Variants in GNB4 observed in about 807,000 individuals in gnomAD.
GNB4 encodes guanine nucleotide-binding protein subunit beta-4.
GNB4 carries 28 observed loss-of-function variants against 45.2 expected under a neutral mutation model. The ratio of observed to expected loss-of-function variants is 0.62; its 90% CI spans 0.46 to 0.85. The LOEUF (loss-of-function observed/expected upper bound fraction) is 0.85, where lower values mean the gene tolerates loss of function less well. GNB4 is among the 40% of genes least tolerant of loss of function. The probability of loss-of-function intolerance (pLI) is 0.00; values close to 1 mark genes in which losing one functional copy is unlikely to be tolerated. For missense variants in GNB4, 321 were observed against 425.4 expected (o/e 0.75, Z 2.16); for synonymous variants, 132 against 143.7 (o/e 0.92, Z 0.58).
the GNB4 span, among the ~76,000 whole-genome samples, chr3:179,494,475 C>T: frequency 2.1e-4 from 32 of 149,322 alleles, no homozygotes; most frequent in African/African-American, 7.4e-4. Flanking sequence ...GAGGCTGAGA[C>T]CACCCTGGGC....
intron 9 of GNB4, among the ~76,000 whole-genome samples, chr3:179,404,904 T>C (rs1254834178): frequency 6.6e-6 from 1 of 152,180 alleles, no homozygotes; most frequent in Non-Finnish European, 1.5e-5. Context: ...AAAGTGTGAT[T>C]TCTAAAAGAC....
intron 1 of GNB4, among the ~76,000 whole-genome samples, chr3:179,434,269 G>A (rs1048025983): frequency 1.3e-5 from 2 of 152,080 alleles, no homozygotes; most frequent in African/African-American, 4.8e-5. Flanking sequence ...TTATCATACA[G>A]CAGTGAAAAC....
the GNB4 span, among the ~76,000 whole-genome samples, chr3:179,508,552 C>T: frequency 7.9e-5 from 12 of 152,202 alleles, no homozygotes; most frequent in East Asian, 1.4e-3. Context: ...TATTCTTCTG[C>T]GAGTATACTT....
chr3:179,489,007 A>ATATATATAT, the GNB4 span, among the ~76,000 whole-genome samples: 6 of 37,250 alleles, frequency 1.6e-4, no homozygotes, highest in African/African-American at 7.2e-4. Flanking sequence ...AAAAAAAAAA[A>ATATATATAT]AAAAAAAAAA....
the GNB4 span, among the ~76,000 whole-genome samples, chr3:179,513,805 C>T: frequency 6.6e-6 from 1 of 151,998 alleles, no homozygotes; most frequent in Non-Finnish European, 1.5e-5. Flanking sequence ...AAATTTTAAA[C>T]TTATGGATAC....
intron 8 of GNB4, among the ~76,000 whole-genome samples, 156 bp downstream of exon 8, chr3:179,413,256 T>C (rs1344856394): frequency 6.6e-6 from 1 of 152,176 alleles, no homozygotes; most frequent in African/African-American, 2.4e-5. Context: ...GCTTTCTTTT[T>C]TAAAAAATCA....
At chr3:179,517,008 C>T in the GNB4 span, among the ~76,000 whole-genome samples, 2 of 152,068 alleles carry the variant, frequency 1.3e-5, no homozygotes, top group Non-Finnish European at 2.9e-5. Flanking sequence ...GGAGGATCCT[C>T]GCATAGTGAG....
chr3:179,502,259 A>C, the GNB4 span, among the ~76,000 whole-genome samples: 2 of 54,512 alleles, frequency 3.7e-5, no homozygotes, highest in Admixed American at 2.6e-4. Context: ...TTTGAGAGGG[A>C]GTTTTGCTCT....
At chr3:179,508,076 T>C in the GNB4 span, among the ~76,000 whole-genome samples, 2 of 152,220 alleles carry the variant, frequency 1.3e-5, no homozygotes, top group South Asian at 4.1e-4. Context: ...AGAAGACTGA[T>C]GCTTTGTCTT....
Position 179,400,125 on chromosome 3 carries a change from G to C in GNB4, c.*1088C>G, listed in dbSNP as rs538409194. 3.3e-5 allele frequency: 5 copies of C among 152,282 alleles called. No individual in the cohort carries two copies. The highest frequency in any genetic ancestry group is 1.2e-4 in the African/African-American group (5 of 41,562). 9.4% of individuals were successfully genotyped at this position (152,282 alleles called of 1,614,324 possible). ...AAATACTACAAAATGTTGCAAAACA[G>C]AACAAAAAGCTTAAAGGTTTAAGAA... On this transcript the variant is annotated 3_prime_UTR_variant, in exon 10 of 10. Coordinates refer to ENST00000232564, the MANE Select transcript of GNB4 (RefSeq NM_021629.4).
At chr3:179,416,347 AAGAC>A (rs1030684358) in intron 5 of GNB4, 142 bp downstream of exon 5, 4 of 577,930 alleles carry the variant, frequency 6.9e-6, no homozygotes, top group East Asian at 6.7e-5. Context: ...AGTAAACACT[AAGAC>A]AAAAGAGAAG....
At chr3:179,468,035 A>AAAAAT in the GNB4 span, among the ~76,000 whole-genome samples, 1 of 89,856 alleles carries the variant, frequency 1.1e-5, no homozygotes, top group African/African-American at 4.0e-5. Flanking sequence ...TGTTGATAAA[A>AAAAAT]ATATATATAT....
intron 1 of GNB4, among the ~76,000 whole-genome samples, chr3:179,441,455 C>T (rs1259948530): frequency 6.6e-6 from 1 of 152,070 alleles, no homozygotes; most frequent in African/African-American, 2.4e-5. Flanking sequence ...ATGGTAAAGC[C>T]AGGCATGGTG....
chr3:179,417,732 T>A (rs1166711216), intron 4 of GNB4, among the ~76,000 whole-genome samples: 1 of 152,096 alleles, frequency 6.6e-6, no homozygotes, highest in East Asian at 1.9e-4. Context: ...ATTCAAAAAA[T>A]AAAAAAGGAT....
At chr3:179,481,906 T>G in the GNB4 span, among the ~76,000 whole-genome samples, 1 of 152,154 alleles carries the variant, frequency 6.6e-6, no homozygotes, top group Non-Finnish European at 1.5e-5. Flanking sequence ...TATATTTAAT[T>G]TTTTTCATTT....
chr3:179,471,715 A>G, the GNB4 span, among the ~76,000 whole-genome samples: 1 of 152,234 alleles, frequency 6.6e-6, no homozygotes, highest in African/African-American at 2.4e-5. Context: ...CTAGTCACCC[A>G]TAGTTGACTT....
chr3:179,415,110 T>C (rs1371359076), intron 5 of GNB4, 63 bp from the exon 6 acceptor site: 1 of 1,260,556 alleles, frequency 7.9e-7, no homozygotes, highest in African/African-American at 1.5e-5. Context: ...CATAAACCCA[T>C]TTACAATGAA....
chr3:179,501,686 C>A, the GNB4 span, among the ~76,000 whole-genome samples: 1 of 152,066 alleles, frequency 6.6e-6, no homozygotes, highest in African/African-American at 2.4e-5. Context: ...TTAAAATGAA[C>A]AAAATTGAAC....
the GNB4 span, among the ~76,000 whole-genome samples, chr3:179,480,226 C>T: frequency 6.6e-6 from 1 of 152,170 alleles, no homozygotes; most frequent in Non-Finnish European, 1.5e-5. Context: ...AGCTTCTTTT[C>T]TTTATAAATT....
Sources: gnomAD v4.1 joint callset for allele counts (sites outside exome capture counted in the v4.1 genomes callset) on GRCh38, gnomAD v4.1.1 for gene constraint, MANE v1.5 for transcripts, NCBI Gene and HGNC (gene_info 2026-07-23, HGNC 2026-07-21) for gene names.